The following REPS2 variants were observed in gnomAD, a reference collection of about 807,000 sequenced individuals.
The protein encoded by REPS2 is ralBP1-associated Eps domain-containing protein 2.
A neutral mutation model predicts 53.6 loss-of-function variants in REPS2; 23 were observed. The observed-to-expected ratio is 0.43, with a 90% confidence interval of 0.31 to 0.61. The LOEUF is 0.61. REPS2 is among the 20% of genes least tolerant of loss of function. The pLI is 0.11. For missense variants in REPS2, 446 were observed against 534.9 expected (o/e 0.83, Z 1.64); for synonymous variants, 238 against 218.6 (o/e 1.09, Z -0.78).
chrX:16,966,427 G>A (rs2060769617), intron 1 of REPS2, among the ~76,000 whole-genome samples: 1 of 112,032 alleles, frequency 8.9e-6, no homozygotes, highest in Non-Finnish European at 1.9e-5. Flanking sequence ...TGGAATATTT[G>A]CGTTTACATA....
intron 14 of REPS2, 138 bp downstream of exon 14, chrX:17,103,917 A>T: frequency 1.7e-6 from 1 of 572,284 alleles, no homozygotes; most frequent in Non-Finnish European, 2.8e-6. Context: ...GAGAGCAGAG[A>T]GTGGTTTAAT....
At chrX:17,137,196 T>TTTA (rs1480273531) in intron 16 of REPS2, 1 of 112,530 alleles carries the variant, frequency 8.9e-6, no homozygotes, top group Non-Finnish European at 1.9e-5. Flanking sequence ...CTGTCTTTAA[T>TTTA]ATTTCGAAGA....
At chrX:17,052,952 C>A (rs1329961307) in intron 7 of REPS2, among the ~76,000 whole-genome samples, 1 of 111,449 alleles carries the variant, frequency 9.0e-6, no homozygotes, top group African/African-American at 3.3e-5. Context: ...CTAATTCAGA[C>A]TTGCAGCTGT....
chrX:17,014,663 G>A (rs776693697), intron 2 of REPS2, among the ~76,000 whole-genome samples: 4 of 111,657 alleles, frequency 3.6e-5, no homozygotes, highest in Non-Finnish European at 5.6e-5. Flanking sequence ...TAACGTATAA[G>A]TAGCTGGTAT....
At chrX:17,008,815 A>G (rs2061392450) in intron 2 of REPS2, among the ~76,000 whole-genome samples, 1 of 111,225 alleles carries the variant, frequency 9.0e-6, no homozygotes, top group South Asian at 3.7e-4. Context: ...CATCATACCC[A>G]GGGAGTTGTG....
At chrX:17,180,276 A>G in the REPS2 span, among the ~76,000 whole-genome samples, 5 of 111,376 alleles carry the variant, frequency 4.5e-5, no homozygotes, top group African/African-American at 6.5e-5. Flanking sequence ...AAAGGAAAAG[A>G]AACTTTCCTA....
intron 1 of REPS2, among the ~76,000 whole-genome samples, chrX:16,950,307 AG>A (rs920352157): frequency 1.8e-5 from 2 of 111,834 alleles, no homozygotes; most frequent in Non-Finnish European, 3.8e-5. Flanking sequence ...GTTGCTTCCA[AG>A]TTTGGGCAAT....
chrX:17,118,936 T>A (rs901719507), intron 14 of REPS2, among the ~76,000 whole-genome samples: 1 of 112,565 alleles, frequency 8.9e-6, no homozygotes, highest in Non-Finnish European at 1.9e-5. Context: ...TAATTATTTA[T>A]GCATTTCAAA....
At chrX:17,084,010 G>A (rs944790376) in intron 13 of REPS2, among the ~76,000 whole-genome samples, 1 of 110,953 alleles carries the variant, frequency 9.0e-6, no homozygotes, top group African/African-American at 3.3e-5. Context: ...TCAGCACTAT[G>A]TAATTTCAGA....
chrX:17,136,874 C>A (rs1318065360), intron 16 of REPS2: 3 of 112,314 alleles, frequency 2.7e-5, no homozygotes, highest in Non-Finnish European at 5.6e-5. Context: ...TGTCATTTCA[C>A]ATAAATGGAA....
intron 1 of REPS2, among the ~76,000 whole-genome samples, chrX:16,972,267 A>C (rs2060903956): frequency 8.9e-6 from 1 of 112,558 alleles, no homozygotes; most frequent in Non-Finnish European, 1.9e-5. Flanking sequence ...AAATGTGGAC[A>C]TTGACCAGTC....
At chrX:16,953,818 C>T (rs1200570634) in intron 1 of REPS2, among the ~76,000 whole-genome samples, 1 of 112,072 alleles carries the variant, frequency 8.9e-6, no homozygotes, top group Non-Finnish European at 1.9e-5. Flanking sequence ...TAGAATGTCA[C>T]ATGACTGGGG....
the REPS2 span, among the ~76,000 whole-genome samples, chrX:17,190,066 C>T: frequency 4.5e-5 from 5 of 111,959 alleles, no homozygotes; most frequent in East Asian, 2.8e-4. Flanking sequence ...GTCAGTATGC[C>T]GTATGGGAGA....
the REPS2 span, among the ~76,000 whole-genome samples, chrX:17,162,820 A>C: frequency 8.9e-6 from 1 of 112,401 alleles, no homozygotes; most frequent in Non-Finnish European, 1.9e-5. Flanking sequence ...TTACAGAATT[A>C]GTTCAGGAAT....
chrX:17,127,610 C>A (rs2148127871), intron 14 of REPS2, among the ~76,000 whole-genome samples: 1 of 111,822 alleles, frequency 8.9e-6, no homozygotes, highest in Admixed American at 9.5e-5. Context: ...GTCTGGGAAA[C>A]CATGTGTTAT....
At chrX:16,973,309 T>A (rs2060917136) in intron 1 of REPS2, among the ~76,000 whole-genome samples, 1 of 111,990 alleles carries the variant, frequency 8.9e-6, no homozygotes, top group Admixed American at 9.5e-5. Flanking sequence ...CTCTTTATGG[T>A]TAAAATATCT....
the REPS2 span, among the ~76,000 whole-genome samples, chrX:17,180,970 T>C: frequency 3.6e-5 from 4 of 112,218 alleles, no homozygotes; most frequent in African/African-American, 1.3e-4. Flanking sequence ...TCACTTTCTC[T>C]ACCTCTCAAA....
chrX:17,041,098 A>G (rs747910844), intron 5 of REPS2, among the ~76,000 whole-genome samples: 1 of 112,012 alleles, frequency 8.9e-6, no homozygotes, highest in South Asian at 3.7e-4. Flanking sequence ...TTCATGCACC[A>G]GAGCTCCTTC....
intron 13 of REPS2, among the ~76,000 whole-genome samples, chrX:17,096,431 G>A (rs962609745): frequency 2.5e-4 from 27 of 109,456 alleles, no homozygotes; most frequent in African/African-American, 6.6e-4. Context: ...AGGCCGAGGC[G>A]GGCGGATCAC....
Sources: allele counts gnomAD v4.1 joint callset (sites outside exome capture counted in the v4.1 genomes callset), GRCh38; gene constraint gnomAD v4.1.1; transcripts MANE v1.5; gene names NCBI Gene and HGNC (gene_info 2026-07-23, HGNC 2026-07-21).